CDC42BPB: variants seen among roughly 807,000 people sequenced by gnomAD.
The protein encoded by CDC42BPB is serine/threonine-protein kinase MRCK beta.
CDC42BPB carries 37 observed loss-of-function variants against 214.9 expected under a neutral mutation model. The ratio of observed to expected loss-of-function variants is 0.17; its 90% CI spans 0.13 to 0.23. The LOEUF is 0.23. CDC42BPB is among the 10% of genes least tolerant of loss of function. CDC42BPB has a pLI of 1.00. For missense variants in CDC42BPB, 1,694 were observed against 2,227.0 expected (o/e 0.76, Z 4.82); for synonymous variants, 931 against 884.0 (o/e 1.05, Z -0.94).
intron 1 of CDC42BPB, among the ~76,000 whole-genome samples, chr14:103,056,764 G>A (rs900148662): frequency 2.6e-5 from 4 of 152,168 alleles, no homozygotes; most frequent in African/African-American, 2.4e-5. Flanking sequence ...CGAGCCTAGG[G>A]AGGGCAAGGA....
intron 14 of CDC42BPB, 67 bp downstream of exon 14, chr14:102,970,084 A>G: frequency 7.9e-7 from 1 of 1,264,054 alleles, no homozygotes; most frequent in Non-Finnish European, 1.1e-6. Flanking sequence ...GGTGACTTCC[A>G]TGTGGTGGCG....
intron 12 of CDC42BPB, among the ~76,000 whole-genome samples, chr14:102,973,228 C>G (rs577097614): frequency 1.3e-5 from 2 of 152,384 alleles, no homozygotes; most frequent in African/African-American, 4.8e-5. Context: ...ATGTGCCCCA[C>G]ACTGCACTTC....
rs181829162 is a variant in CDC42BPB at position 103,055,592 on chromosome 14, G to A, written c.175+1407C>T. ...ATTTACTGATACTATAAGTAACCAA[G>A]AATGGTGGTTCCCACGGAAATAAAG... On this transcript the variant is annotated intron_variant, in intron 1 of 36. Transcript: ENST00000361246. Among the ~76,000 whole-genome samples the A allele has an allele frequency of 3.7e-4, 57 of 152,352 alleles. 1 individual carries two copies. The East Asian group carries it at 9.4e-3, about 25-fold the overall frequency.
chr14:102,957,867 T>C (rs1004328808), intron 21 of CDC42BPB, among the ~76,000 whole-genome samples: 1 of 152,202 alleles, frequency 6.6e-6, no homozygotes, highest in Non-Finnish European at 1.5e-5. Context: ...AGACTTGGCA[T>C]CACCCACCCT....
chr14:102,953,402 G>A (rs956650844), intron 23 of CDC42BPB, among the ~76,000 whole-genome samples: 4 of 152,232 alleles, frequency 2.6e-5, no homozygotes, highest in Admixed American at 6.5e-5. Context: ...CCAAATAAAC[G>A]ACCTCGCGAC....
chr14:103,033,951 T>C (rs966110607), intron 1 of CDC42BPB, among the ~76,000 whole-genome samples: 1 of 152,204 alleles, frequency 6.6e-6, no homozygotes, highest in African/African-American at 2.4e-5. Context: ...TTCTGGGTCA[T>C]AAAGCAGTTT....
intron 1 of CDC42BPB, among the ~76,000 whole-genome samples, chr14:103,039,691 T>G (rs1024029513): frequency 1.3e-5 from 2 of 152,152 alleles, no homozygotes; most frequent in Admixed American, 1.3e-4. Context: ...ACACGCTTTC[T>G]CCCTAAGATC....
At chr14:103,053,341 C>T (rs1158208830) in intron 1 of CDC42BPB, among the ~76,000 whole-genome samples, 12 of 150,384 alleles carry the variant, frequency 8.0e-5, no homozygotes, top group Non-Finnish European at 1.3e-4. Flanking sequence ...AGTGAGACTC[C>T]GTCTCAAAAA....
In CDC42BPB at chr14:102,967,065, T is replaced by C. The variant is rs1161157122; in HGVS notation, c.2452A>G (p.Ile818Val). Residue 818 changes from isoleucine (I) to valine (V), a missense_variant, in exon 17 of 37, where the codon ATT becomes GTT. Ile to Val is a conservative substitution (Grantham distance 29). This residue lies in a region of CDC42BPB where 462 missense variants were observed against 513.5 expected (regional missense o/e 0.90). Coordinates refer to ENST00000361246, the MANE Select transcript of CDC42BPB (RefSeq NM_006035.4). ...KESVAHWEAQIAEIIQWVSDE... is the reference protein window; with the variant it reads ...KESVAHWEAQVAEIIQWVSDE... Reference sequence around the variant, plus strand: ...ACGTACCACTGAATGATTTCCGCAATCTGAGCTTCCCAGTGGGCCACTGAC... The same window carrying C: ...ACGTACCACTGAATGATTTCCGCAACCTGAGCTTCCCAGTGGGCCACTGAC... The C allele has an allele frequency of 1.2e-6, 2 of 1,614,130 alleles. No homozygotes were observed. Among genetic ancestry groups the C allele is most frequent in the Admixed American group, 1.7e-5 (1 of 60,030 alleles).
chr14:103,036,444 C>A (rs909854456), intron 1 of CDC42BPB, among the ~76,000 whole-genome samples: 11 of 152,000 alleles, frequency 7.2e-5, no homozygotes, highest in Non-Finnish European at 1.3e-4. Context: ...CGTGAGCCAC[C>A]GCGCCCAGCC....
intron 21 of CDC42BPB, among the ~76,000 whole-genome samples, chr14:102,958,248 C>G (rs1892797385): frequency 6.6e-6 from 1 of 152,144 alleles, no homozygotes; most frequent in South Asian, 2.1e-4. Context: ...GAGAGAATGC[C>G]CCAATCGTAG....
intron 17 of CDC42BPB, 118 bp from the exon 18 acceptor site, chr14:102,966,505 A>G: frequency 4.7e-6 from 7 of 1,489,520 alleles, no homozygotes; most frequent in Non-Finnish European, 6.3e-6. Context: ...CGTCAGCTAG[A>G]GTGCCCGCAG....
rs1186934510 is a variant in CDC42BPB, at chr14:102,944,438, A to T, written c.3861T>A (p.Ala1287=). 3.1e-6 allele frequency: 5 copies of T among 1,612,974 alleles called. No individual in the cohort carries two copies. In the South Asian group the frequency reaches 4.4e-5, roughly 14 times the overall value. ...GGAGGATTACGATCTTCTCCCTGGG[A>T]GCAAGCTCGATCTGGTGTACCTTCT... The part of the protein sequence containing the change: ...DCKKVHQIEL[A]PREKIVILLC... The change falls in exon 30 of 37, where the codon GCT becomes GCA. Residue 1287 remains alanine, a synonymous_variant. Coordinates refer to ENST00000361246, the MANE Select transcript of CDC42BPB (RefSeq NM_006035.4). This position sits in a 1 kb window ranked among gnomAD's most constrained non-coding sequence, Gnocchi z 6.6.
In CDC42BPB at chr14:102,960,915, T is replaced by C. The variant is rs563951382; in HGVS notation, c.2822-1205A>G. ...TGGCTCACGCCTGTAATCCTAGCAC[T>C]TTGGGAGACACGGCAGTCAGATTGC... On this transcript the variant is annotated intron_variant, in intron 20 of 36. Transcript: ENST00000361246. Among the ~76,000 whole-genome samples, 20 of 152,226 alleles carry C rather than the reference T, an allele frequency of 1.3e-4. No homozygotes were observed. The East Asian group carries it at 3.9e-3, about 29-fold the overall frequency.
chr14:103,003,743 C>A (rs1895100495), intron 4 of CDC42BPB, among the ~76,000 whole-genome samples, 185 bp downstream of exon 4: 1 of 152,240 alleles, frequency 6.6e-6, no homozygotes, highest in Non-Finnish European at 1.5e-5. Context: ...CTTACTTCCA[C>A]ATGTGTATTT....
chr14:103,051,741 G>C (rs1376661838), intron 1 of CDC42BPB, among the ~76,000 whole-genome samples: 1 of 152,274 alleles, frequency 6.6e-6, no homozygotes, highest in East Asian at 1.9e-4. Context: ...GTGGTATCCT[G>C]AAGTGAGAAC....
At chr14:103,007,402 G>A (rs981064896) in intron 3 of CDC42BPB, among the ~76,000 whole-genome samples, 2 of 152,188 alleles carry the variant, frequency 1.3e-5, no homozygotes, top group African/African-American at 4.8e-5. Flanking sequence ...ATCGATGGTT[G>A]TACTGTTGTC....
chr14:102,975,754 G>A lies in CDC42BPB; in HGVS notation c.1437C>T (p.Ser479=), dbSNP rs778217944. The A allele has an allele frequency of 6.2e-7, 1 of 1,614,026 alleles. No homozygotes were observed. The highest frequency in any genetic ancestry group is 1.1e-5 in the South Asian group (1 of 91,076). Residue 479 remains serine, a synonymous_variant, in exon 11 of 37, where the codon AGC becomes AGT. Transcript: ENST00000361246. ...QSLHGSSRAL[S]NSNRDKEIKK... is the part of the protein sequence containing the mutation. The stretch of plus-strand genomic sequence containing the variant: ...TGATTTCTTTATCTCGGTTTGAATT[G>A]CTGAGGGCCCGAGATGAGCCGTGGA...
At chr14:102,994,951 A>C (rs1894659505) in intron 5 of CDC42BPB, among the ~76,000 whole-genome samples, 1 of 152,140 alleles carries the variant, frequency 6.6e-6, no homozygotes, top group Non-Finnish European at 1.5e-5. Context: ...AGCCACTCTG[A>C]CCGCCAGATC....
Sources: gnomAD v4.1 joint callset for allele counts (sites outside exome capture counted in the v4.1 genomes callset) on GRCh38, gnomAD v4.1.1 for gene constraint, gnomAD v4.1.1 regional missense constraint, Gnocchi (gnomAD v3.1) non-coding constraint, MANE v1.5 for transcripts, NCBI Gene and HGNC (gene_info 2026-07-23, HGNC 2026-07-21) for gene names.